The following TMEM132C variants were observed in gnomAD, a reference collection of about 807,000 sequenced individuals.
TMEM132C encodes protein phosphatase 1, regulatory subunit 152.
A neutral mutation model predicts 61.4 loss-of-function variants in TMEM132C; 29 were observed. That is an observed-to-expected ratio of 0.47 (90% CI 0.35 to 0.64). The LOEUF (loss-of-function observed/expected upper bound fraction) is 0.64. Ranked by LOEUF, TMEM132C falls within the 30% of genes least tolerant of loss-of-function variation. TMEM132C has a pLI of 0.00. For synonymous variants in TMEM132C, 656 were observed against 633.1 expected (o/e 1.04, Z -0.54); for missense variants, 1,408 against 1,476.9 (o/e 0.95, Z 0.76).
At chr12:128,442,733 A>G (rs1054476577) in intron 2 of TMEM132C, among the ~76,000 whole-genome samples, 2 of 152,216 alleles carry the variant, frequency 1.3e-5, no homozygotes, top group Admixed American at 6.5e-5. Context: ...TGAAATTCAC[A>G]TGACATAAAA....
intron 1 of TMEM132C, among the ~76,000 whole-genome samples, chr12:128,398,815 G>GTCCTCCTCCTGTCTTT (rs1555222445): frequency 1.3e-5 from 2 of 152,080 alleles, no homozygotes; most frequent in African/African-American, 4.8e-5. Flanking sequence ...TTTTACTGTT[G>GTCCTCCTCCTGTCTTT]TCCTCCTCCT....
chr12:128,555,943 C>G (rs543699181), intron 3 of TMEM132C, among the ~76,000 whole-genome samples: 1 of 152,230 alleles, frequency 6.6e-6, no homozygotes, highest in African/African-American at 2.4e-5. Flanking sequence ...GCCTCAAACT[C>G]TTGGGCTCAG....
At chr12:128,499,532 C>T (rs545034186) in intron 2 of TMEM132C, among the ~76,000 whole-genome samples, 2 of 152,272 alleles carry the variant, frequency 1.3e-5, no homozygotes, top group African/African-American at 4.8e-5. Flanking sequence ...ATTTTGTACC[C>T]ATTAACCCTC....
intron 1 of TMEM132C, among the ~76,000 whole-genome samples, chr12:128,356,003 T>G (rs78737250): frequency 0.024 from 3,635 of 152,268 alleles, 89 homozygotes; most frequent in African/African-American, 0.061. Context: ...GTTAGGTGTC[T>G]TGTCATTGTT....
chr12:128,359,563 T>G (rs532586073), intron 1 of TMEM132C, among the ~76,000 whole-genome samples: 2 of 152,348 alleles, frequency 1.3e-5, no homozygotes, highest in African/African-American at 2.4e-5. Context: ...ATTTGGTATT[T>G]GCTATAGTCA....
At chr12:128,656,737 C>T (rs1954328732) in intron 4 of TMEM132C, among the ~76,000 whole-genome samples, 1 of 152,202 alleles carries the variant, frequency 6.6e-6, no homozygotes, top group Non-Finnish European at 1.5e-5. Context: ...TGTGTTTGAA[C>T]CCAGTCACAT....
intron 1 of TMEM132C, among the ~76,000 whole-genome samples, chr12:128,383,149 T>C (rs1392994674): frequency 1.3e-5 from 2 of 152,184 alleles, no homozygotes; most frequent in Admixed American, 6.5e-5. Context: ...TGTGCCTGTA[T>C]GTGTGTGCAC....
chr12:128,400,677 C>T (rs955470947), intron 1 of TMEM132C, among the ~76,000 whole-genome samples: 52 of 150,862 alleles, frequency 3.4e-4, no homozygotes, highest in African/African-American at 1.1e-3. Context: ...GGCACAATCT[C>T]GGCTCATTGC....
intron 2 of TMEM132C, among the ~76,000 whole-genome samples, chr12:128,520,669 A>G (rs1003541982): frequency 6.6e-6 from 1 of 152,230 alleles, no homozygotes; most frequent in Non-Finnish European, 1.5e-5. Context: ...CAAGTAGCAC[A>G]TTCCCCAGTT....
chr12:128,489,582 T>TATATATATATATATATATATA (rs1565951312), intron 2 of TMEM132C, among the ~76,000 whole-genome samples: 8 of 149,912 alleles, frequency 5.3e-5, no homozygotes, highest in South Asian at 2.1e-4. Flanking sequence ...TATATATATA[T>TATATATATATATATATATATA]TCTGTCCACA....
chr12:128,499,991 A>G (rs112496845), intron 2 of TMEM132C, among the ~76,000 whole-genome samples: 2,433 of 152,258 alleles, frequency 0.016, 69 homozygotes, highest in African/African-American at 0.055. Flanking sequence ...GCACTAATTT[A>G]CATTCCCACC....
intron 1 of TMEM132C, among the ~76,000 whole-genome samples, chr12:128,355,958 A>G (rs76564807): frequency 0.022 from 3,340 of 151,946 alleles, 116 homozygotes; most frequent in African/African-American, 0.076. Flanking sequence ...TTTACTATTT[A>G]TCTTTCCCTG....
chr12:128,273,855 G>A (rs1271042606), intron 1 of TMEM132C, among the ~76,000 whole-genome samples: 1 of 152,118 alleles, frequency 6.6e-6, no homozygotes, highest in African/African-American at 2.4e-5. Flanking sequence ...TCAAGTACAT[G>A]CACTCACGTA....
chr12:128,347,016 G>T lies in TMEM132C; in HGVS notation c.86-67716G>T, dbSNP rs149702649. Among the ~76,000 whole-genome samples the T allele has an allele frequency of 3.9e-3, 590 of 152,260 alleles. 1 individual carries two copies. Among genetic ancestry groups the T allele is most frequent in the Non-Finnish European group, 6.1e-3 (412 of 68,012 alleles). ...TAGTGGTGATTTCTGAGATTGTGGT[G>T]CACTGGTCACCCGAGCAGTGTATAC... is the stretch of plus-strand genomic sequence containing the variant. On this transcript the variant is annotated intron_variant, in intron 1 of 8. Coordinates refer to ENST00000435159, the MANE Select transcript of TMEM132C (RefSeq NM_001136103.3).
chr12:128,684,342 T>C lies in TMEM132C; in HGVS notation c.1450-9487T>C, dbSNP rs187779345. On this transcript the variant is annotated intron_variant, in intron 5 of 8. Transcript: ENST00000435159. ...ATGAATCCTAAAGCAGTGCAAACTC[T>C]AGCACAACACAGATGCAAGCCTGTG... 2.0e-5 allele frequency among the ~76,000 whole-genome samples: 3 copies of C among 152,024 alleles called. No individual in the cohort carries two copies. The East Asian group carries it at 5.8e-4, about 29-fold the overall frequency.
intron 1 of TMEM132C, among the ~76,000 whole-genome samples, chr12:128,414,405 A>T (rs971639781): frequency 6.6e-6 from 1 of 152,186 alleles, no homozygotes; most frequent in African/African-American, 2.4e-5. Context: ...CATGCAAATT[A>T]TTAATAAAAT....
chr12:128,501,884 G>A (rs942602645), intron 2 of TMEM132C, among the ~76,000 whole-genome samples: 2 of 152,158 alleles, frequency 1.3e-5, no homozygotes, highest in African/African-American at 4.8e-5. Flanking sequence ...AAGCCTTTGT[G>A]TCTGTAACAC....
At chr12:128,499,486 A>G (rs1386411741) in intron 2 of TMEM132C, among the ~76,000 whole-genome samples, 1 of 152,184 alleles carries the variant, frequency 6.6e-6, no homozygotes, top group East Asian at 1.9e-4. Context: ...CTACTGTGCT[A>G]CTGCATACTA....
intron 1 of TMEM132C, among the ~76,000 whole-genome samples, chr12:128,286,794 C>T (rs181823054): frequency 6.6e-6 from 1 of 152,194 alleles, no homozygotes; most frequent in African/African-American, 2.4e-5. Context: ...GTTTTGAGAT[C>T]CCTTCCCAGA....
Sources: allele counts gnomAD v4.1 joint callset (sites outside exome capture counted in the v4.1 genomes callset), GRCh38; gene constraint gnomAD v4.1.1; transcripts MANE v1.5; gene names NCBI Gene and HGNC (gene_info 2026-07-23, HGNC 2026-07-21).